The following CSNK1G3 variants were observed in gnomAD, a reference collection of about 807,000 sequenced individuals.
CSNK1G3 encodes casein kinase 1 gamma 3.
Under a neutral mutation model 64.3 loss-of-function variants are expected in CSNK1G3, and 23 were observed. The observed-to-expected ratio is 0.36, with a 90% CI of 0.26 to 0.51. CSNK1G3 has a LOEUF of 0.51. Ranked by LOEUF, CSNK1G3 falls within the 20% of genes least tolerant of loss-of-function variation. The pLI, the probability that CSNK1G3 is intolerant of heterozygous loss-of-function variation, is 0.96. For synonymous variants in CSNK1G3, 158 were observed against 162.2 expected (o/e 0.97, Z 0.20); for missense variants, 357 against 510.5 (o/e 0.70, Z 2.90).
chr5:123,549,659 C>A (rs1419144851), intron 2 of CSNK1G3, among the ~76,000 whole-genome samples: 2 of 152,202 alleles, frequency 1.3e-5, no homozygotes, highest in African/African-American at 2.4e-5. Flanking sequence ...ACTCCGCTTG[C>A]TCTTGTTTTT....
intron 10 of CSNK1G3, among the ~76,000 whole-genome samples, chr5:123,602,350 TCTACA>T (rs1794647624): frequency 6.6e-6 from 1 of 152,208 alleles, no homozygotes; most frequent in Non-Finnish European, 1.5e-5. Context: ...GTCCTGTTTC[TCTACA>T]CTAAAGTGTC....
chr5:123,568,614 T>G (rs1581177733), intron 4 of CSNK1G3, among the ~76,000 whole-genome samples: 1 of 152,228 alleles, frequency 6.6e-6, no homozygotes, highest in African/African-American at 2.4e-5. Flanking sequence ...TGTGTAGTTT[T>G]AAGAGGATCA....
At chr5:123,553,854 A>G (rs549494550) in intron 3 of CSNK1G3, among the ~76,000 whole-genome samples, 2 of 152,146 alleles carry the variant, frequency 1.3e-5, no homozygotes, top group South Asian at 2.1e-4. Flanking sequence ...CTTAGGTCCT[A>G]TTGTTTATAG....
At position 123,614,566 on chromosome 5, in the gene CSNK1G3, T is replaced by C. The variant is rs560727281; in HGVS notation, c.*170T>C. 2.0e-4 allele frequency: 108 copies of C among 527,316 alleles called. 2 individuals are homozygous for C. The South Asian group carries it at 3.8e-3, about 18-fold the overall frequency. The allele number at this position is 527,316 out of a possible 1,614,324, so 32.7% of individuals were successfully genotyped here. A position where few individuals can be genotyped will look rare whatever the true frequency, so the allele number is the denominator to read the frequency against. On this transcript the variant is annotated 3_prime_UTR_variant, in exon 13 of 13. Coordinates refer to ENST00000345990, the Ensembl canonical transcript of CSNK1G3. The stretch of plus-strand genomic sequence containing the variant: ...GTTGTCTTACATTCTTTTTCTTTTT[T>C]TTTTTTTCTCTAATTTAACCTTTAT...
chr5:123,539,535 A>G (rs1232744732), intron 1 of CSNK1G3, among the ~76,000 whole-genome samples: 1 of 151,374 alleles, frequency 6.6e-6, no homozygotes, highest in African/African-American at 2.4e-5. Flanking sequence ...GTACATTTCT[A>G]GTATTAAACT....
intron 1 of CSNK1G3, among the ~76,000 whole-genome samples, chr5:123,534,291 C>T (rs1197836036): frequency 1.3e-5 from 2 of 151,972 alleles, no homozygotes; most frequent in South Asian, 2.1e-4. Context: ...TGCTGTACAA[C>T]TACATAGGAG....
chr5:123,575,004 C>T (rs1255117199), intron 5 of CSNK1G3, among the ~76,000 whole-genome samples: 1 of 152,142 alleles, frequency 6.6e-6, no homozygotes, highest in Admixed American at 6.5e-5. Flanking sequence ...CATATGTTTA[C>T]ATTGCATTGT....
chr5:123,616,953 A>G (rs1749550647), exon 13 of CSNK1G3: 2 of 152,186 alleles, frequency 1.3e-5, no homozygotes, highest in African/African-American at 4.8e-5. Flanking sequence ...AAAAGCACAC[A>G]CTAGGAAGGA....
rs143075842 is a variant in CSNK1G3, at chr5:123,595,040, C to T, written c.1086+3626C>T. ...CCATATGCATTAAATAAATGGCAGT[C>T]GGCAGACCACAGGGCAGCTTGGGAC... is the stretch of plus-strand genomic sequence containing the variant. On this transcript the variant is annotated intron_variant, in intron 10 of 12. Transcript: ENST00000345990. 27 of 1,613,054 alleles carry T rather than the reference C, an allele frequency of 1.7e-5. No homozygotes were observed. The highest frequency in any genetic ancestry group is 1.2e-4 in the African/African-American group (9 of 74,798).
chr5:123,587,453 T>C (rs772075935), intron 6 of CSNK1G3, among the ~76,000 whole-genome samples: 37 of 152,258 alleles, frequency 2.4e-4, no homozygotes, highest in Non-Finnish European at 4.7e-4. Flanking sequence ...TATTCACTTA[T>C]GTGCTAAATG....
At chr5:123,545,806 A>T in exon 2 of CSNK1G3, 1 of 1,613,708 alleles carries the variant, frequency 6.2e-7, no homozygotes. Flanking sequence ...GTTGGAAAAA[A>T]AATTGGATGT....
intron 1 of CSNK1G3, among the ~76,000 whole-genome samples, chr5:123,531,968 C>T (rs1267095232): frequency 7.9e-5 from 12 of 151,812 alleles, no homozygotes; most frequent in African/African-American, 2.9e-4. Context: ...TTTCCATTCT[C>T]TTCCTGTAAT....
At chr5:123,589,540 C>G (rs1791955768) in intron 8 of CSNK1G3, among the ~76,000 whole-genome samples, 1 of 152,190 alleles carries the variant, frequency 6.6e-6, no homozygotes, top group East Asian at 1.9e-4. Flanking sequence ...TTTGTTGCCT[C>G]ATTGTGCTGG....
At chr5:123,605,469 T>C in intron 12 of CSNK1G3, 107 bp downstream of exon 13, 2 of 1,194,714 alleles carry the variant, frequency 1.7e-6, no homozygotes, top group Non-Finnish European at 2.4e-6. Flanking sequence ...ACAGTGATTA[T>C]AATTGGTAAA....
At chr5:123,595,218 T>A in intron 10 of CSNK1G3, 84 bp downstream of exon 11, 1 of 1,225,354 alleles carries the variant, frequency 8.2e-7, no homozygotes, top group Non-Finnish European at 1.2e-6. Flanking sequence ...CATGATTTCA[T>A]ATCTTAATGG....
intron 1 of CSNK1G3, among the ~76,000 whole-genome samples, 186 bp downstream of exon 1, chr5:123,512,756 C>T (rs865863398): frequency 6.7e-6 from 1 of 149,524 alleles, no homozygotes; most frequent in Non-Finnish European, 1.5e-5. Context: ...GCGGGTGGCC[C>T]GGAGGCGTGG....
exon 2 of CSNK1G3, chr5:123,545,463 A>T: frequency 2.3e-6 from 1 of 442,348 alleles, no homozygotes; most frequent in Non-Finnish European, 4.0e-6. Context: ...AATTTTGAAG[A>T]CATGTTTTGC....
chr5:123,593,686 G>A (rs997525542), intron 10 of CSNK1G3, among the ~76,000 whole-genome samples: 4 of 151,994 alleles, frequency 2.6e-5, no homozygotes, highest in African/African-American at 9.7e-5. Flanking sequence ...CTTAATTCTG[G>A]TTATGGATTT....
intron 1 of CSNK1G3, among the ~76,000 whole-genome samples, chr5:123,542,082 T>TC (rs1357110248): frequency 6.6e-6 from 1 of 152,174 alleles, no homozygotes; most frequent in Non-Finnish European, 1.5e-5. Flanking sequence ...TAGAATATTT[T>TC]CCCCATCTGT....
Sources: allele counts gnomAD v4.1 joint callset (sites outside exome capture counted in the v4.1 genomes callset), GRCh38; gene constraint gnomAD v4.1.1; transcripts MANE v1.5; gene names NCBI Gene and HGNC (gene_info 2026-07-23, HGNC 2026-07-21).